The following ZNF385D variants were observed in gnomAD, a reference collection of about 807,000 sequenced individuals.
ZNF385D encodes the protein zinc finger protein 385D.
In ZNF385D, 15 loss-of-function variants were observed where a neutral mutation model predicts 35.8. The ratio of observed to expected loss-of-function variants is 0.42; its 90% CI spans 0.28 to 0.64. ZNF385D has a LOEUF of 0.64. Ranked by LOEUF, ZNF385D falls within the 30% of genes least tolerant of loss-of-function variation. ZNF385D has a pLI of 0.23. For synonymous variants in ZNF385D, 212 were observed against 186.8 expected (o/e 1.13, Z -1.10); for missense variants, 474 against 494.6 (o/e 0.96, Z 0.39).
chr3:22,192,968 C>A (rs1214938736), intron 2 of ZNF385D, among the ~76,000 whole-genome samples: 1 of 152,198 alleles, frequency 6.6e-6, no homozygotes, highest in African/African-American at 2.4e-5. Flanking sequence ...GGGTTTTTGA[C>A]AAAGGTCTAT....
At chr3:22,358,075 A>C (rs1365185987) in intron 2 of ZNF385D, among the ~76,000 whole-genome samples, 1 of 151,916 alleles carries the variant, frequency 6.6e-6, no homozygotes, top group Non-Finnish European at 1.5e-5. Context: ...CTGGGCACTC[A>C]ATAAATATTT....
intron 3 of ZNF385D, among the ~76,000 whole-genome samples, chr3:21,870,615 C>G (rs1464362274): frequency 6.6e-6 from 1 of 152,008 alleles, no homozygotes; most frequent in African/African-American, 2.4e-5. Flanking sequence ...TTTCTATGGC[C>G]CAATCAGCCA....
intron 2 of ZNF385D, among the ~76,000 whole-genome samples, chr3:22,326,468 G>A (rs1026669235): frequency 6.6e-6 from 1 of 152,086 alleles, no homozygotes; most frequent in African/African-American, 2.4e-5. Context: ...CTGTTATTTC[G>A]CATGCCTTGA....
At chr3:22,116,664 A>C (rs1702827350) in intron 3 of ZNF385D, among the ~76,000 whole-genome samples, 1 of 151,616 alleles carries the variant, frequency 6.6e-6, no homozygotes, top group Admixed American at 6.6e-5. Context: ...CATCACACAT[A>C]GTTGATTTGA....
chr3:21,998,931 C>G (rs1040743350), intron 3 of ZNF385D, among the ~76,000 whole-genome samples: 2 of 152,078 alleles, frequency 1.3e-5, no homozygotes, highest in Admixed American at 1.3e-4. Flanking sequence ...CAGAAATTTT[C>G]TTTTGTGGTG....
At position 22,201,808 on chromosome 3, in the gene ZNF385D, TAC is replaced by T. The variant is rs1335098831; in HGVS notation, c.107-32775_107-32774del. The stretch of plus-strand genomic sequence containing the variant: ...ACAACTGAATGTGTGTGTATATATA[TAC>T]ATATATATATATAAATTTAATACTT... On this transcript the variant is annotated intron_variant, in intron 2 of 5. Transcript: ENST00000494108. Among the ~76,000 whole-genome samples, 158 of 151,356 alleles carry T rather than the reference TAC, an allele frequency of 1.0e-3. 1 individual carries two copies. The highest frequency in any genetic ancestry group is 3.6e-3 in the African/African-American group (150 of 41,350).
intron 3 of ZNF385D, among the ~76,000 whole-genome samples, chr3:21,937,250 A>G (rs1701307805): frequency 6.6e-6 from 1 of 152,172 alleles, no homozygotes; most frequent in South Asian, 2.1e-4. Flanking sequence ...ATAAAAGTAC[A>G]ATAAAGGTCT....
intron 2 of ZNF385D, among the ~76,000 whole-genome samples, chr3:22,205,988 A>T (rs1223790348): frequency 6.6e-6 from 1 of 151,854 alleles, no homozygotes; most frequent in African/African-American, 2.4e-5. Context: ...AAAAGACCCA[A>T]CTCAAATCTT....
At chr3:21,424,317 A>ATTTT (rs1213225859) in intron 6 of ZNF385D, among the ~76,000 whole-genome samples, 49 of 63,768 alleles carry the variant, frequency 7.7e-4, no homozygotes, top group East Asian at 3.1e-3. Flanking sequence ...ATATATATAT[A>ATTTT]TTTTTTTTTT....
intron 3 of ZNF385D, among the ~76,000 whole-genome samples, chr3:21,797,748 G>A (rs1449628123): frequency 1.3e-5 from 2 of 152,156 alleles, no homozygotes; most frequent in East Asian, 3.9e-4. Context: ...GAGCAAATTT[G>A]AAGAGGCCCC....
intron 3 of ZNF385D, among the ~76,000 whole-genome samples, chr3:21,862,313 A>G (rs554842222): frequency 4.6e-5 from 7 of 150,758 alleles, no homozygotes; most frequent in Non-Finnish European, 8.8e-5. Flanking sequence ...TTTTTAATCA[A>G]GCTCAGGTTA....
intron 2 of ZNF385D, among the ~76,000 whole-genome samples, chr3:22,362,373 T>C (rs536827004): frequency 1.3e-5 from 2 of 152,168 alleles, no homozygotes; most frequent in East Asian, 1.9e-4. Flanking sequence ...TAATAAAAAA[T>C]TGTTACAGAT....
At chr3:21,586,269 C>T (rs1409407176) in intron 2 of ZNF385D, among the ~76,000 whole-genome samples, 1 of 152,100 alleles carries the variant, frequency 6.6e-6, no homozygotes, top group East Asian at 1.9e-4. Context: ...CTGTATTGGC[C>T]TTCCAGAATA....
At chr3:21,716,982 A>ATGTGGTGTAG (rs1190206507) in intron 1 of ZNF385D, among the ~76,000 whole-genome samples, 21 of 152,100 alleles carry the variant, frequency 1.4e-4, no homozygotes, top group African/African-American at 5.1e-4. Flanking sequence ...ATTAGCTGTG[A>ATGTGGTGTAG]TGTGGTGTAG....
chr3:22,363,609 GA>G (rs1696517177), intron 2 of ZNF385D, among the ~76,000 whole-genome samples: 1 of 152,044 alleles, frequency 6.6e-6, no homozygotes, highest in Non-Finnish European at 1.5e-5. Flanking sequence ...TTTTTATCTG[GA>G]AAAATAGTAT....
At chr3:21,463,984 C>T (rs984842486) in intron 4 of ZNF385D, among the ~76,000 whole-genome samples, 2 of 151,888 alleles carry the variant, frequency 1.3e-5, no homozygotes, top group African/African-American at 4.8e-5. Context: ...ACATGAAACA[C>T]ATGAAACAAA....
At chr3:22,246,685 A>T (rs1699800298) in intron 2 of ZNF385D, among the ~76,000 whole-genome samples, 1 of 152,150 alleles carries the variant, frequency 6.6e-6, no homozygotes, top group Non-Finnish European at 1.5e-5. Flanking sequence ...TCTATGATCA[A>T]AGGAGGGAAA....
At chr3:22,183,866 T>G (rs1246885896) in intron 2 of ZNF385D, among the ~76,000 whole-genome samples, 1 of 150,968 alleles carries the variant, frequency 6.6e-6, no homozygotes, top group African/African-American at 2.4e-5. Context: ...TTTCAACAAA[T>G]TTTTTTTTGC....
intron 2 of ZNF385D, among the ~76,000 whole-genome samples, chr3:22,300,434 G>T (rs185072089): frequency 8.9e-4 from 134 of 150,854 alleles, no homozygotes; most frequent in Non-Finnish European, 9.2e-4. Flanking sequence ...GACAACAACA[G>T]GTAAATGAGA....
Sources: allele counts gnomAD v4.1 joint callset (sites outside exome capture counted in the v4.1 genomes callset), GRCh38; gene constraint gnomAD v4.1.1; transcripts MANE v1.5; gene names NCBI Gene and HGNC (gene_info 2026-07-23, HGNC 2026-07-21).